The following CLASP2 variants were observed in gnomAD, a reference collection of about 807,000 sequenced individuals.
CLASP2 encodes the protein cytoplasmic linker associated protein 2.
CLASP2 carries 47 observed loss-of-function variants against 194.4 expected under a neutral mutation model. The ratio of observed to expected loss-of-function variants is 0.24; its 90% CI spans 0.19 to 0.31. The LOEUF (loss-of-function observed/expected upper bound fraction) is 0.31. Among genes scored for constraint, CLASP2 ranks in the 10% least tolerant of loss-of-function variants. The probability of loss-of-function intolerance (pLI) is 1.00; values close to 1 mark genes in which losing one functional copy is unlikely to be tolerated. For synonymous variants in CLASP2, 619 were observed against 633.5 expected, an observed-to-expected ratio of 0.98 and a Z score of 0.34; for missense variants, 1,445 against 1,823.6, an observed-to-expected ratio of 0.79 and a Z score of 3.78.
intron 7 of CLASP2, among the ~76,000 whole-genome samples, chr3:33,656,523 G>C (rs1400975785): frequency 6.6e-6 from 1 of 152,144 alleles, no homozygotes; most frequent in Non-Finnish European, 1.5e-5. Context: ...GACACTACTG[G>C]TGGGAGTGTA....
intron 29 of CLASP2, among the ~76,000 whole-genome samples, chr3:33,556,706 G>T (rs1016755041): frequency 4.6e-5 from 7 of 151,958 alleles, no homozygotes; most frequent in Non-Finnish European, 1.0e-4. Context: ...CAAAGTGCTG[G>T]GATCACAGGC....
chr3:33,567,507 T>C (rs1233359045), intron 26 of CLASP2, among the ~76,000 whole-genome samples: 2 of 152,070 alleles, frequency 1.3e-5, no homozygotes, highest in African/African-American at 2.4e-5. Flanking sequence ...GTGCCAGAAA[T>C]ATATGGGATG....
chr3:33,561,614 G>A (rs1341502450), intron 27 of CLASP2, among the ~76,000 whole-genome samples: 2 of 152,194 alleles, frequency 1.3e-5, no homozygotes, highest in East Asian at 1.9e-4. Context: ...CATACTATTA[G>A]TCTCCATACC....
chr3:33,530,918 C>G (rs940956078), intron 34 of CLASP2, among the ~76,000 whole-genome samples: 1 of 152,172 alleles, frequency 6.6e-6, no homozygotes, highest in African/African-American at 2.4e-5. Context: ...AAGAGATCTA[C>G]AGATTCAGTG....
intron 7 of CLASP2, among the ~76,000 whole-genome samples, chr3:33,647,170 T>C (rs547119898): frequency 6.6e-6 from 1 of 152,286 alleles, no homozygotes; most frequent in African/African-American, 2.4e-5. Context: ...GATTTGAGCC[T>C]TACTGAGGAA....
rs1020339429 is a variant in CLASP2, at chr3:33,644,690, C to G, written c.862+67G>C. 1.9e-6 allele frequency: 3 copies of G among 1,547,462 alleles called. No homozygotes were observed. In the East Asian group the frequency reaches 6.8e-5, roughly 35 times the overall value. On this transcript the variant is annotated intron_variant, in intron 8 of 38. Coordinates refer to ENST00000682230, the MANE Select transcript of CLASP2 (RefSeq NM_001365631.1). ...TGAATAAACATATTCCTCTGAAGTTCCAAGTATGTGTGGCCATATCAAGGG... is the reference window on the plus strand; with the variant it reads ...TGAATAAACATATTCCTCTGAAGTTGCAAGTATGTGTGGCCATATCAAGGG...
chr3:33,569,914 A>G (rs980272229), intron 26 of CLASP2, among the ~76,000 whole-genome samples: 3 of 152,172 alleles, frequency 2.0e-5, no homozygotes, highest in Non-Finnish European at 4.4e-5. Context: ...AGGAAATGAG[A>G]TGTGCAACAA....
intron 6 of CLASP2, among the ~76,000 whole-genome samples, chr3:33,666,503 A>C (rs1015043816): frequency 7.9e-5 from 12 of 152,294 alleles, no homozygotes; most frequent in Non-Finnish European, 1.3e-4. Context: ...TTCTTTCATG[A>C]ATGTTTTCAA....
At chr3:33,712,310 A>G (rs2093051598) in intron 1 of CLASP2, among the ~76,000 whole-genome samples, 1 of 152,198 alleles carries the variant, frequency 6.6e-6, no homozygotes, top group African/African-American at 2.4e-5. Context: ...GCTATAAGGA[A>G]TCAAAGGCAT....
chr3:33,648,903 C>T (rs776525800), intron 7 of CLASP2, among the ~76,000 whole-genome samples: 1 of 152,180 alleles, frequency 6.6e-6, no homozygotes, highest in African/African-American at 2.4e-5. Flanking sequence ...TGCTGCTTAC[C>T]TCATCCCCTA....
intron 34 of CLASP2, among the ~76,000 whole-genome samples, chr3:33,519,642 GATA>G (rs1470349359): frequency 6.6e-6 from 1 of 152,186 alleles, no homozygotes; most frequent in Middle Eastern, 3.4e-3. Flanking sequence ...AATGAAAATA[GATA>G]ATAAATGAAA....
chr3:33,588,776 T>G, intron 21 of CLASP2: 1 of 700,526 alleles, frequency 1.4e-6, no homozygotes, highest in Admixed American at 2.0e-5. Flanking sequence ...TTATAATCCA[T>G]GAAGAGGGAA....
chr3:33,644,727 C>A (rs1442853954), intron 8 of CLASP2, 30 bp downstream of exon 8: 2 of 1,611,066 alleles, frequency 1.2e-6, no homozygotes, highest in Non-Finnish European at 1.7e-6. Flanking sequence ...ATGGAGCATG[C>A]ATAACAGATT....
intron 7 of CLASP2, among the ~76,000 whole-genome samples, chr3:33,654,036 A>T (rs963193193): frequency 3.3e-5 from 5 of 151,818 alleles, no homozygotes; most frequent in African/African-American, 1.2e-4. Flanking sequence ...AACTGTCAAA[A>T]AAAAAAAAAA....
intron 36 of CLASP2, among the ~76,000 whole-genome samples, chr3:33,514,863 A>G (rs1190073353): frequency 1.3e-5 from 2 of 152,160 alleles, no homozygotes; most frequent in African/African-American, 2.4e-5. Flanking sequence ...ATATACGCAC[A>G]CACACACCAT....
At chr3:33,644,457 T>C (rs1008479539) in intron 8 of CLASP2, 1 of 348,226 alleles carries the variant, frequency 2.9e-6, no homozygotes, top group Non-Finnish European at 5.4e-6. Context: ...AAACCTGTTC[T>C]CTGCTTAAAA....
In CLASP2 at chr3:33,584,330, T is replaced by C. The variant is rs1576775631; in HGVS notation, c.2239+420A>G. Among the ~76,000 whole-genome samples the C allele has an allele frequency of 2.1e-5, 3 of 146,024 alleles. No individual in the cohort carries two copies. The South Asian group carries it at 6.5e-4, about 32-fold the overall frequency. On this transcript the variant is annotated intron_variant, in intron 22 of 38. Coordinates refer to ENST00000682230, the MANE Select transcript of CLASP2 (RefSeq NM_001365631.1). Reference sequence around the variant, plus strand: ...AGAGTCTCCGTTGCCCAGGCTGGAGTGCAGTGTGATCTTGGCTCACTGCAG... The same window carrying C: ...AGAGTCTCCGTTGCCCAGGCTGGAGCGCAGTGTGATCTTGGCTCACTGCAG...
chr3:33,666,523 A>G (rs966490730), intron 6 of CLASP2, among the ~76,000 whole-genome samples: 1 of 152,210 alleles, frequency 6.6e-6, no homozygotes, highest in Non-Finnish European at 1.5e-5. Context: ...AGGTTGATGC[A>G]TGATGTATCA....
At chr3:33,558,228 T>C (rs2061281585) in intron 29 of CLASP2, 1 of 152,180 alleles carries the variant, frequency 6.6e-6, no homozygotes, top group Non-Finnish European at 1.5e-5. Flanking sequence ...TCTTCTTGTG[T>C]CTCTTTCTCC....
Sources: allele counts gnomAD v4.1 joint callset (sites outside exome capture counted in the v4.1 genomes callset), GRCh38; gene constraint gnomAD v4.1.1; transcripts MANE v1.5; gene names NCBI Gene and HGNC (gene_info 2026-07-23, HGNC 2026-07-21).